CHN2: variants seen among roughly 807,000 people sequenced by gnomAD.
The protein encoded by CHN2 is chimerin 2, also known as beta-chimaerin.
CHN2 carries 35 observed loss-of-function variants against 56.3 expected under a neutral mutation model. The observed-to-expected ratio is 0.62, with a 90% CI of 0.47 to 0.82. CHN2 has a LOEUF of 0.82. CHN2 is among the 40% of genes least tolerant of loss of function. The probability of loss-of-function intolerance (pLI) is 0.00; values close to 1 mark genes in which losing one functional copy is unlikely to be tolerated. For missense variants in CHN2, 491 were observed against 580.5 expected, an observed-to-expected ratio of 0.85 and a Z score of 1.58; for synonymous variants, 210 against 212.8, an observed-to-expected ratio of 0.99 and a Z score of 0.12.
rs986518996 is a variant in CHN2 at position 29,241,523 on chromosome 7, A to T, written c.49+46533A>T. 2.6e-5 allele frequency among the ~76,000 whole-genome samples: 4 copies of T among 152,092 alleles called. No homozygotes were observed. In the East Asian group the frequency reaches 7.7e-4, roughly 29 times the overall value. Reference sequence around the variant, plus strand: ...GGACCCTCTCCCGCCTGGCTGTCTCAGTGGTAGCTGAGCCAAGTTTTGGAA... The same window carrying T: ...GGACCCTCTCCCGCCTGGCTGTCTCTGTGGTAGCTGAGCCAAGTTTTGGAA... On this transcript the variant is annotated intron_variant, in intron 1 of 12. Transcript: ENST00000222792.
At chr7:29,507,552 T>C (rs1289863960) in intron 11 of CHN2, among the ~76,000 whole-genome samples, 187 bp downstream of exon 11, 1 of 152,198 alleles carries the variant, frequency 6.6e-6, no homozygotes, top group Admixed American at 6.5e-5. Context: ...TTCTAAGAAC[T>C]CTGTGGGCTG....
At chr7:29,255,545 T>A (rs1011098547) in intron 1 of CHN2, among the ~76,000 whole-genome samples, 2 of 152,192 alleles carry the variant, frequency 1.3e-5, no homozygotes, top group African/African-American at 2.4e-5. Flanking sequence ...GTTTTCTTTT[T>A]CTCTTGTCTT....
At chr7:29,356,336 A>G (rs1462461066) in intron 2 of CHN2, among the ~76,000 whole-genome samples, 2 of 152,204 alleles carry the variant, frequency 1.3e-5, no homozygotes, top group Non-Finnish European at 2.9e-5. Context: ...ACACATATAT[A>G]AATATGAATG....
At chr7:29,472,527 G>C (rs191055132) in intron 6 of CHN2, among the ~76,000 whole-genome samples, 235 of 152,190 alleles carry the variant, frequency 1.5e-3, no homozygotes, top group African/African-American at 5.3e-3. Context: ...GGGACACCCA[G>C]GGTCATCACC....
intron 1 of CHN2, among the ~76,000 whole-genome samples, chr7:29,346,021 C>A (rs1797408287): frequency 6.6e-6 from 1 of 152,122 alleles, no homozygotes; most frequent in African/African-American, 2.4e-5. Context: ...ATCCCTTACC[C>A]AAGCAGAGTT....
intron 1 of CHN2, among the ~76,000 whole-genome samples, chr7:29,335,193 C>A (rs758628878): frequency 1.3e-5 from 2 of 152,230 alleles, no homozygotes; most frequent in Non-Finnish European, 2.9e-5. Context: ...TATGGAGTCA[C>A]TCATGCATTC....
Position 29,427,845 on chromosome 7 carries a change from C to T in CHN2, c.576+27017C>T, listed in dbSNP as rs1042948406. On this transcript the variant is annotated intron_variant, in intron 6 of 12. Coordinates refer to ENST00000222792, the MANE Select transcript of CHN2 (RefSeq NM_004067.4). ...ATAATTTTTGTATTTTTAGTAGAGACAGGGTTTCACCGTGTTGGCCAGGTT... is the reference window on the plus strand; with the variant it reads ...ATAATTTTTGTATTTTTAGTAGAGATAGGGTTTCACCGTGTTGGCCAGGTT... 1.3e-4 allele frequency among the ~76,000 whole-genome samples: 19 copies of T among 151,968 alleles called. 1 individual carries two copies. The highest frequency in any genetic ancestry group is 4.6e-4 in the African/African-American group (19 of 41,462).
rs773179638 is a variant in CHN2, at chr7:29,194,968, G to A, written c.27G>A (p.Leu9=). ...TGGCAGCGTCCAGCAACTCCAGCCT[G>A]TCCGGCTCGTCGGTGTCCTCCGGTG... MAASSNSS[L]SGSSVSSDAE... Residue 9 remains leucine (L), a synonymous_variant, in exon 1 of 13, where the codon CTG becomes CTA. Coordinates refer to ENST00000222792, the MANE Select transcript of CHN2 (RefSeq NM_004067.4). The A allele has an allele frequency of 1.5e-4, 238 of 1,585,922 alleles. 1 individual carries two copies. The highest frequency in any genetic ancestry group is 3.4e-5 in the Non-Finnish European group (40 of 1,168,890).
chr7:29,449,257 G>T (rs571345047), intron 6 of CHN2, among the ~76,000 whole-genome samples: 1 of 152,244 alleles, frequency 6.6e-6, no homozygotes, highest in East Asian at 1.9e-4. Context: ...ATTAAGGTGA[G>T]TGTCTGAAAA....
chr7:29,274,857 G>C (rs943601812), intron 1 of CHN2, among the ~76,000 whole-genome samples: 1 of 152,194 alleles, frequency 6.6e-6, no homozygotes, highest in African/African-American at 2.4e-5. Flanking sequence ...CGGAAGGATG[G>C]TGTCTGTAGA....
intron 6 of CHN2, among the ~76,000 whole-genome samples, chr7:29,433,532 C>T (rs1049904994): frequency 3.3e-5 from 5 of 152,126 alleles, no homozygotes; most frequent in Non-Finnish European, 7.4e-5. Context: ...GTAGAGTTGC[C>T]TGATCTAGAA....
chr7:29,299,269 C>G (rs1793452796), intron 1 of CHN2, among the ~76,000 whole-genome samples: 1 of 152,196 alleles, frequency 6.6e-6, no homozygotes, highest in Non-Finnish European at 1.5e-5. Context: ...ATAACCAGTA[C>G]TGATCCGTGG....
chr7:29,339,853 CA>C lies in CHN2; in HGVS notation c.50-14760del, dbSNP rs558957798. Among the ~76,000 whole-genome samples, 413 of 139,528 alleles carry C rather than the reference CA, an allele frequency of 3.0e-3. 2 individuals carry two copies. Among genetic ancestry groups the C allele is most frequent in the African/African-American group, 8.8e-3 (328 of 37,270 alleles). 91.5% of individuals were successfully genotyped at this position (139,528 alleles called of 152,430 possible). A position where few individuals can be genotyped will look rare whatever the true frequency, so the allele number is the denominator to read the frequency against. On this transcript the variant is annotated intron_variant, in intron 1 of 12. Coordinates refer to ENST00000222792, the MANE Select transcript of CHN2 (RefSeq NM_004067.4). ...GGGTGACAAGAATGAAACTCCGTCT[CA>C]AAAAAAAAAAATAATAACAATACTG... is the stretch of plus-strand genomic sequence containing the variant.
intron 1 of CHN2, among the ~76,000 whole-genome samples, chr7:29,234,889 G>A (rs1787066387): frequency 6.6e-6 from 1 of 152,144 alleles, no homozygotes; most frequent in African/African-American, 2.4e-5. Flanking sequence ...GAGCTGTCAC[G>A]AAAACAGGTT....
chr7:29,347,154 A>G (rs10246306), intron 1 of CHN2, among the ~76,000 whole-genome samples: 37,438 of 152,118 alleles, frequency 0.25, 5,004 homozygotes, highest in Non-Finnish European at 0.3. Context: ...TGTTGGTGAG[A>G]GAGGGTGTGG....
intron 1 of CHN2, chr7:29,334,672 C>T (rs1364516233): frequency 6.6e-6 from 1 of 152,382 alleles, no homozygotes; most frequent in Non-Finnish European, 1.5e-5. Flanking sequence ...CGGGGAATCA[C>T]TTGAGCTCAG....
At chr7:29,284,736 C>T (rs1200358834) in intron 1 of CHN2, among the ~76,000 whole-genome samples, 1 of 152,198 alleles carries the variant, frequency 6.6e-6, no homozygotes, top group Non-Finnish European at 1.5e-5. Context: ...CCAGCCAAGC[C>T]ACACCTGGAC....
chr7:29,374,277 G>T lies in CHN2; in HGVS notation c.144+6290G>T, dbSNP rs556871893. ...TGCAGTTTTCTTCTGAACTGGACTT[G>T]CTTTGGGTTTAGACCTGATGTAGTA... On this transcript the variant is annotated intron_variant, in intron 3 of 12. Coordinates refer to ENST00000222792, the MANE Select transcript of CHN2 (RefSeq NM_004067.4). Among the ~76,000 whole-genome samples the T allele has an allele frequency of 2.6e-5, 4 of 152,090 alleles. No homozygotes were observed. In the South Asian group the frequency reaches 8.3e-4, roughly 32 times the overall value.
At chr7:29,399,983 T>G (rs1214892788) in intron 5 of CHN2, among the ~76,000 whole-genome samples, 1 of 152,104 alleles carries the variant, frequency 6.6e-6, no homozygotes, top group African/African-American at 2.4e-5. Flanking sequence ...GCAGGGAGTT[T>G]AGCACACCTT....
Sources: gnomAD v4.1 joint callset for allele counts (sites outside exome capture counted in the v4.1 genomes callset) on GRCh38, gnomAD v4.1.1 for gene constraint, MANE v1.5 for transcripts, NCBI Gene and HGNC (gene_info 2026-07-23, HGNC 2026-07-21) for gene names.